ITGB1: variants seen among roughly 807,000 people sequenced by gnomAD.
The protein encoded by ITGB1 is integrin beta-1.
ITGB1 carries 24 observed loss-of-function variants against 86.5 expected under a neutral mutation model. The observed-to-expected ratio is 0.28, with a 90% CI of 0.20 to 0.39. ITGB1 has a LOEUF of 0.39. ITGB1 is among the 10% of genes least tolerant of loss of function. The pLI is 1.00. For synonymous variants in ITGB1, 323 were observed against 316.8 expected (o/e 1.02, Z -0.21); for missense variants, 556 against 946.9 (o/e 0.59, Z 5.42).
At chr10:32,936,707 C>T (rs1447960123) in intron 1 of ITGB1, among the ~76,000 whole-genome samples, 1 of 152,170 alleles carries the variant, frequency 6.6e-6, no homozygotes, top group Non-Finnish European at 1.5e-5. Flanking sequence ...GAATCTATAT[C>T]TTTGATTGGT....
At chr10:32,947,333 G>C (rs113225662) in intron 1 of ITGB1, among the ~76,000 whole-genome samples, 30 of 151,782 alleles carry the variant, frequency 2.0e-4, no homozygotes, top group African/African-American at 7.0e-4. Flanking sequence ...GCTAGACCAA[G>C]GTGTGAGAAG....
intron 2 of ITGB1, among the ~76,000 whole-genome samples, chr10:32,934,274 C>T (rs2094993694): frequency 6.6e-6 from 1 of 152,142 alleles, no homozygotes; most frequent in South Asian, 2.1e-4. Flanking sequence ...CATGTACATA[C>T]TTTTCTTCCT....
At chr10:32,952,158 T>C (rs1271113296) in intron 1 of ITGB1, among the ~76,000 whole-genome samples, 3 of 152,118 alleles carry the variant, frequency 2.0e-5, no homozygotes, top group East Asian at 3.8e-4. Context: ...AGTATCTAAT[T>C]GTTGGAAAGA....
chr10:32,952,544 C>G (rs530261127), intron 1 of ITGB1, among the ~76,000 whole-genome samples: 1 of 152,040 alleles, frequency 6.6e-6, no homozygotes, highest in Non-Finnish European at 1.5e-5. Flanking sequence ...AAATATTGTA[C>G]ATGGAGAAGA....
rs1593847095 is a variant in ITGB1, at chr10:32,900,532, T to G, written c.*1038A>C. 1 of 149,304 alleles carries G rather than the reference T, an allele frequency of 6.7e-6. No homozygotes were observed. Among genetic ancestry groups the G allele is most frequent in the African/African-American group, 2.5e-5 (1 of 40,282 alleles). The allele number at this position is 149,304 out of a possible 1,614,324, so 9.2% of individuals were successfully genotyped here. On this transcript the variant is annotated 3_prime_UTR_variant, in exon 16 of 16. Coordinates refer to ENST00000302278, the MANE Select transcript of ITGB1 (RefSeq NM_002211.4). ...GATGGGCAACTCAAATGGTGAGAAGTAAACATACAGTGGTCTGTTATGGCA... is the reference window on the plus strand; with the variant it reads ...GATGGGCAACTCAAATGGTGAGAAGGAAACATACAGTGGTCTGTTATGGCA...
chr10:32,934,073 CCTTAT>C (rs1456099867), intron 2 of ITGB1, among the ~76,000 whole-genome samples: 3 of 152,006 alleles, frequency 2.0e-5, no homozygotes, highest in African/African-American at 7.2e-5. Flanking sequence ...CTGATTATTT[CCTTAT>C]AATAAAACCT....
At chr10:32,919,574 A>G (rs76451249) in intron 11 of ITGB1, among the ~76,000 whole-genome samples, 1 of 152,216 alleles carries the variant, frequency 6.6e-6, no homozygotes, top group African/African-American at 2.4e-5. Flanking sequence ...ACACAAGCTT[A>G]TTTTGTTCTA....
intron 5 of ITGB1, among the ~76,000 whole-genome samples, chr10:32,926,509 G>C (rs567081614): frequency 1.6e-4 from 24 of 152,276 alleles, no homozygotes; most frequent in African/African-American, 5.8e-4. Context: ...GTTCTCATGA[G>C]ATCTGTTATT....
intron 11 of ITGB1, among the ~76,000 whole-genome samples, chr10:32,919,350 GT>G (rs1338353974): frequency 1.3e-5 from 2 of 152,082 alleles, no homozygotes; most frequent in African/African-American, 4.8e-5. Context: ...AATTTTGTTA[GT>G]TTTCTTAGTA....
chr10:32,922,856 CTAGAT>C, intron 7 of ITGB1, 121 bp from the exon 8 acceptor site: 1 of 586,912 alleles, frequency 1.7e-6, no homozygotes, highest in East Asian at 3.0e-5. Context: ...CTTTAGATAA[CTAGAT>C]TACATATATA....
In ITGB1 at chr10:32,906,881, T is replaced by C. The variant is rs538386393; in HGVS notation, c.2331+1487A>G. Among the ~76,000 whole-genome samples, 13 of 152,310 alleles carry C rather than the reference T, an allele frequency of 8.5e-5. 1 individual carries two copies. The South Asian group carries it at 2.7e-3, about 32-fold the overall frequency. The stretch of plus-strand genomic sequence containing the variant: ...CACTACAACATGGCTGCTGTTTCTA[T>C]ATCACATTACTTATTTTACGGTCTT... On this transcript the variant is annotated intron_variant, in intron 15 of 15. Coordinates refer to ENST00000302278, the MANE Select transcript of ITGB1 (RefSeq NM_002211.4).
At chr10:32,904,686 ATTCATTTAT>A (rs761293116) in intron 15 of ITGB1, among the ~76,000 whole-genome samples, 225 of 114,168 alleles carry the variant, frequency 2.0e-3, no homozygotes, top group Non-Finnish European at 4.2e-3. Flanking sequence ...CTTGATGCTC[ATTCATTTAT>A]TTCAATTGTT....
At chr10:32,957,433 C>G (rs1363712413) in intron 1 of ITGB1, among the ~76,000 whole-genome samples, 2 of 152,204 alleles carry the variant, frequency 1.3e-5, no homozygotes, top group Non-Finnish European at 2.9e-5. Context: ...CGTCCTGGTC[C>G]CGGGGTGCCC....
chr10:32,922,157 G>T, intron 9 of ITGB1, 100 bp downstream of exon 9: 3 of 670,324 alleles, frequency 4.5e-6, no homozygotes, highest in Non-Finnish European at 4.9e-6. Context: ...GTAGTACTTT[G>T]GGCTCGCTAA....
chr10:32,937,244 T>A (rs1288985867), intron 1 of ITGB1, among the ~76,000 whole-genome samples: 1 of 152,132 alleles, frequency 6.6e-6, no homozygotes, highest in African/African-American at 2.4e-5. Context: ...GTCATTGCAA[T>A]AATAAAATGC....
At position 32,922,652 on chromosome 10, in the gene ITGB1, C is replaced by G. The variant is rs752813282; in HGVS notation, c.1026G>C (p.Gln342His). 14 of 1,583,886 alleles carry G rather than the reference C, an allele frequency of 8.8e-6. No homozygotes were observed. The highest frequency in any genetic ancestry group is 1.7e-5 in the Admixed American group (1 of 59,520). The stretch of plus-strand genomic sequence containing the variant: ...CTCACACATTTACCTTGTAAACAGG[C>G]TGAAATTCTTCAGTAACTGCAAAAA... The part of the protein sequence containing the change: ...QTIFAVTEEF[Q>H]PVYKELKNLI... Residue 342 changes from glutamine (Q) to histidine (H), a missense_variant, in exon 8 of 16, where the codon CAG (glutamine) becomes CAC (histidine). Gln to His is a conservative substitution (Grantham distance 24, BLOSUM62 0). Coordinates refer to ENST00000302278, the MANE Select transcript of ITGB1 (RefSeq NM_002211.4).
chr10:32,923,958 G>A (rs546801435), intron 6 of ITGB1, among the ~76,000 whole-genome samples: 1 of 152,178 alleles, frequency 6.6e-6, no homozygotes, highest in East Asian at 1.9e-4. Flanking sequence ...CTGACCATCC[G>A]TATCTCTCAA....
At chr10:32,950,203 C>T (rs1233400715) in intron 1 of ITGB1, among the ~76,000 whole-genome samples, 3 of 152,164 alleles carry the variant, frequency 2.0e-5, no homozygotes, top group Non-Finnish European at 4.4e-5. Flanking sequence ...AGGCCAATAA[C>T]AGATTTTAGT....
At chr10:32,918,881 TA>T (rs1202587547) in intron 11 of ITGB1, among the ~76,000 whole-genome samples, 1 of 152,326 alleles carries the variant, frequency 6.6e-6, no homozygotes, top group African/African-American at 2.4e-5. Context: ...GTATACTATT[TA>T]AAAATAAATA....
Sources: allele counts gnomAD v4.1 joint callset (sites outside exome capture counted in the v4.1 genomes callset), GRCh38; gene constraint gnomAD v4.1.1; transcripts MANE v1.5; gene names NCBI Gene and HGNC (gene_info 2026-07-23, HGNC 2026-07-21).